GK: variants seen among roughly 807,000 people sequenced by gnomAD.
GK encodes the protein glycerol kinase, also known as ATP:glycerol 3-phosphotransferase.
GK carries 9 observed loss-of-function variants against 56.4 expected under a neutral mutation model. That is an observed-to-expected ratio of 0.16 (90% confidence interval 0.10 to 0.28). The LOEUF (loss-of-function observed/expected upper bound fraction) is 0.28, where lower values mean the gene tolerates loss of function less well. GK is among the 10% of genes least tolerant of loss of function. The pLI is 1.00. For missense variants in GK, 161 were observed against 431.4 expected (o/e 0.37, Z 5.55); for synonymous variants, 104 against 144.1 (o/e 0.72, Z 1.99).
intron 1 of GK, among the ~76,000 whole-genome samples, chrX:30,661,693 C>A: frequency 9.0e-6 from 1 of 111,428 alleles, no homozygotes; most frequent in Non-Finnish European, 1.9e-5. Flanking sequence ...GCCCTGACAG[C>A]CCTATGTGAG....
intron 1 of GK, among the ~76,000 whole-genome samples, chrX:30,658,281 A>G (rs969881049): frequency 3.6e-5 from 4 of 111,829 alleles, no homozygotes; most frequent in Non-Finnish European, 1.9e-5. Flanking sequence ...AGTTGGAATG[A>G]GGCCACTCTT....
chrX:30,692,588 C>T (rs1349208489), intron 5 of GK, among the ~76,000 whole-genome samples: 3 of 109,686 alleles, frequency 2.7e-5, no homozygotes, highest in Non-Finnish European at 5.7e-5. Context: ...AAATGATTCT[C>T]CTGCCTCAGC....
At chrX:30,659,436 T>G (rs1454402981) in intron 1 of GK, among the ~76,000 whole-genome samples, 2 of 112,897 alleles carry the variant, frequency 1.8e-5, no homozygotes, top group Non-Finnish European at 3.7e-5. Flanking sequence ...TGGAACATAT[T>G]TGTGGCTAAT....
chrX:30,654,605 C>T (rs1353119188), intron 1 of GK, among the ~76,000 whole-genome samples: 1 of 110,669 alleles, frequency 9.0e-6, no homozygotes, highest in Non-Finnish European at 1.9e-5. Context: ...CGCCTGTAAT[C>T]CTACTTACCC....
intron 10 of GK, 41 bp downstream of exon 10, chrX:30,700,490 C>T (rs1160410382): frequency 3.8e-6 from 4 of 1,052,123 alleles, no homozygotes; most frequent in African/African-American, 1.8e-5. Flanking sequence ...CCCACCCTTC[C>T]CCATGTTATG....
intron 6 of GK, chrX:30,694,992 A>G (rs1222199542): frequency 2.3e-5 from 6 of 261,875 alleles, no homozygotes; most frequent in Non-Finnish European, 4.2e-5. Context: ...ATTTCTATTT[A>G]GAATCTTTTT....
intron 11 of GK, among the ~76,000 whole-genome samples, chrX:30,706,840 T>A (rs1372075361): frequency 9.0e-6 from 1 of 111,532 alleles, no homozygotes; most frequent in Admixed American, 9.6e-5. Context: ...CAGAAGGTAG[T>A]GGTGTTTCTC....
chrX:30,664,948 G>T (rs1932974699), intron 1 of GK, among the ~76,000 whole-genome samples: 2 of 110,239 alleles, frequency 1.8e-5, no homozygotes, highest in Admixed American at 2.0e-4. Context: ...TAAGTGATCT[G>T]CCTGCCTTGG....
chrX:30,692,990 T>C (rs1935047394), intron 5 of GK, among the ~76,000 whole-genome samples: 2 of 106,904 alleles, frequency 1.9e-5, no homozygotes, highest in Middle Eastern at 4.3e-3. Flanking sequence ...TATTTTTGTG[T>C]ATGTATTTTC....
Position 30,668,031 on chromosome X carries a change from A to C in GK, c.172A>C (p.Lys58Gln). ...PREGWVEQDPKEILHSVYECI... is the reference protein window; with the variant it reads ...PREGWVEQDPQEILHSVYECI... The stretch of plus-strand genomic sequence containing the variant: ...TCAAAGATGGGTGGAACAGGACCCT[A>C]AGGAAATTCTACATTCTGTCTATGA... Residue 58 changes from lysine (K) to glutamine (Q), a missense_variant, in exon 3 of 21, where the codon AAG becomes CAG. Physicochemically the swap from Lys to Gln is moderately conservative, Grantham distance 53 (BLOSUM62 1). Coordinates refer to ENST00000427190, the MANE Select transcript of GK (RefSeq NM_001205019.2). The C allele has an allele frequency of 9.0e-7, 1 of 1,114,047 alleles. No individual in the cohort carries two copies. The highest frequency in any genetic ancestry group is 1.8e-5 in the African/African-American group (1 of 56,187). 91.8% of individuals were successfully genotyped at this position (1,114,047 alleles called of 1,213,427 possible).
intron 1 of GK, among the ~76,000 whole-genome samples, chrX:30,658,850 CAT>C (rs1176029960): frequency 2.7e-5 from 3 of 112,299 alleles, no homozygotes; most frequent in Non-Finnish European, 5.6e-5. Flanking sequence ...GTGGTAGACA[CAT>C]GTTACATGAA....
At position 30,720,100 on chromosome X, in the gene GK, C is replaced by T. The variant is rs765259673; in HGVS notation, c.1236+5C>T. ...GTTTGTTTCCAAACTCGAGAGGTAA[C>T]AAATATGGGCCTGTTTTCTTGTACT... On this transcript the variant is annotated splice_donor_5th_base_variant and intron_variant, in intron 16 of 20. Coordinates refer to ENST00000427190, the MANE Select transcript of GK (RefSeq NM_001205019.2). The T allele has an allele frequency of 5.5e-6, 6 of 1,099,297 alleles. No homozygotes were observed. Among genetic ancestry groups the T allele is most frequent in the Non-Finnish European group, 7.6e-6 (6 of 793,215 alleles). The allele number at this position is 1,099,297 out of a possible 1,213,427, so 90.6% of individuals were successfully genotyped here.
At chrX:30,718,349 T>C (rs1181739794) in intron 13 of GK, among the ~76,000 whole-genome samples, 189 bp from the exon 14 acceptor site, 2 of 112,124 alleles carry the variant, frequency 1.8e-5, no homozygotes, top group African/African-American at 6.5e-5. Context: ...CCTCATCCCG[T>C]GAAAAACTTT....
chrX:30,730,799 A>C lies in GK; in HGVS notation c.*2057A>C, dbSNP rs1033095136. 1 of 111,329 alleles carries C rather than the reference A, an allele frequency of 9.0e-6. No individual in the cohort carries two copies. The highest frequency in any genetic ancestry group is 3.7e-4 in the South Asian group (1 of 2,680). The allele number at this position is 111,329 out of a possible 1,213,427, so 9.2% of individuals were successfully genotyped here. On this transcript the variant is annotated 3_prime_UTR_variant, in exon 21 of 21. Coordinates refer to ENST00000427190, the MANE Select transcript of GK (RefSeq NM_001205019.2). ...AGAAACCCTATCTCTACTAAAAAAA[A>C]AAAAAGATGTTTCAGGACATGTGAA... is the stretch of plus-strand genomic sequence containing the variant.
chrX:30,663,736 G>A (rs1160528858), intron 1 of GK, among the ~76,000 whole-genome samples: 1 of 108,759 alleles, frequency 9.2e-6, no homozygotes, highest in Non-Finnish European at 1.9e-5. Context: ...CATTGAACAG[G>A]TAATTTTCTC....
At chrX:30,713,373 A>G in intron 13 of GK, among the ~76,000 whole-genome samples, 1 of 112,003 alleles carries the variant, frequency 8.9e-6, no homozygotes, top group East Asian at 2.8e-4. Context: ...GTCTGTCCAC[A>G]TAGATGTTAT....
At chrX:30,692,064 C>T (rs750362090) in intron 5 of GK, among the ~76,000 whole-genome samples, 1 of 94,160 alleles carries the variant, frequency 1.1e-5, no homozygotes, top group African/African-American at 3.4e-5. Flanking sequence ...AAAGGAAGTT[C>T]CCTTTTTCTG....
chrX:30,663,702 A>C (rs936011504), intron 1 of GK, among the ~76,000 whole-genome samples: 1 of 109,970 alleles, frequency 9.1e-6, no homozygotes, highest in Admixed American at 1.0e-4. Flanking sequence ...GGCAACATTC[A>C]ACGCTTTTTA....
chrX:30,720,861 C>T lies in GK; in HGVS notation c.1367C>T (p.Ser456Leu), dbSNP rs2147263689. 1.7e-6 allele frequency: 2 copies of T among 1,211,997 alleles called. No individual in the cohort carries two copies. The highest frequency in any genetic ancestry group is 3.0e-5 in the East Asian group (1 of 33,878). Residue 456 changes from serine (S) to leucine (L), a missense_variant, in exon 18 of 21, where the codon TCA becomes TTA. Physicochemically the swap from Ser to Leu is moderately radical, Grantham distance 145. Coordinates refer to ENST00000427190, the MANE Select transcript of GK (RefSeq NM_001205019.2). ...AACTCTCTCTCCTCAGTGAAGCCCT[C>T]AATGCCCGAAACCACTGCACTGGGT... Reference protein sequence around the residue: ...DILYIPVVKPSMPETTALGAA... With the variant: ...DILYIPVVKPLMPETTALGAA...
Sources: allele counts gnomAD v4.1 joint callset (sites outside exome capture counted in the v4.1 genomes callset), GRCh38; gene constraint gnomAD v4.1.1; transcripts MANE v1.5; gene names NCBI Gene and HGNC (gene_info 2026-07-23, HGNC 2026-07-21).